Variants in CTSZ observed in about 807,000 individuals in gnomAD.
CTSZ encodes the protein cathepsin Z.
Under a neutral mutation model 32.4 loss-of-function variants are expected in CTSZ, and 39 were observed. The ratio of observed to expected loss-of-function variants is 1.20; its 90% CI spans 0.93 to 1.57. The LOEUF (loss-of-function observed/expected upper bound fraction) is 1.57. Ranked by LOEUF, CTSZ falls within the 40% of genes most tolerant of loss-of-function variation. The pLI, the probability that CTSZ is intolerant of heterozygous loss-of-function variation, is 0.00. For synonymous variants in CTSZ, 168 were observed against 170.1 expected, an observed-to-expected ratio of 0.99 and a Z score of 0.10; for missense variants, 397 against 419.6, an observed-to-expected ratio of 0.95 and a Z score of 0.47.
chr20:59,007,054 G>C lies in CTSZ; in HGVS notation c.75C>G (p.Leu25=), dbSNP rs951527175. 5 of 1,469,120 alleles carry C rather than the reference G, an allele frequency of 3.4e-6. No homozygotes were observed. Among genetic ancestry groups the C allele is most frequent in the Non-Finnish European group, 4.5e-6 (5 of 1,116,924 alleles). 91.0% of individuals were successfully genotyped at this position (1,469,120 alleles called of 1,614,324 possible). The change falls in exon 1 of 6, where the codon CTC becomes CTG. Residue 25 remains leucine, a synonymous_variant. Coordinates refer to ENST00000217131, the MANE Select transcript of CTSZ (RefSeq NM_001336.4). ...AGCAGGTCTGTCCCCGGCGGAAGTA[G>C]AGGCCGCCCTGCGCCGCGCCCGCCA... ...VLLAGAAQGG[L]YFRRGQTCYR...
At chr20:58,997,901 T>A in intron 3 of CTSZ, 148 bp from the exon 4 acceptor site, 1 of 629,390 alleles carries the variant, frequency 1.6e-6, no homozygotes, top group Non-Finnish European at 2.5e-6. Context: ...AGGTGCTGCT[T>A]AATGACGCTC....
rs200993587 is a variant in CTSZ, at chr20:58,995,603, T to G, written c.*46A>C. The G allele has an allele frequency of 6.4e-7, 1 of 1,561,646 alleles. No individual in the cohort carries two copies. Among genetic ancestry groups the G allele is most frequent in the Non-Finnish European group, 8.8e-7 (1 of 1,132,882 alleles). On this transcript the variant is annotated 3_prime_UTR_variant, in exon 6 of 6. Coordinates refer to ENST00000217131, the MANE Select transcript of CTSZ (RefSeq NM_001336.4). ...ATAACCATAGGATCCCCTCTGGTCA[T>G]GGGTCACCATGCCTTTTCTTAAACT...
Position 59,007,070 on chromosome 20 carries a change from G to A in CTSZ, c.59C>T (p.Ala20Val). 6.8e-7 allele frequency: 1 copy of A among 1,460,370 alleles called. No homozygotes were observed. Among genetic ancestry groups the A allele is most frequent in the Non-Finnish European group, 9.0e-7 (1 of 1,111,956 alleles). The allele number at this position is 1,460,370 out of a possible 1,614,324, so 90.5% of individuals were successfully genotyped here. Residue 20 changes from alanine (A) to valine (V), a missense_variant, in exon 1 of 6, where the codon GCG becomes GTG. Coordinates refer to ENST00000217131, the MANE Select transcript of CTSZ (RefSeq NM_001336.4). Reference protein sequence around the residue: ...PLLLLVLLAGAAQGGLYFRRG... With the variant: ...PLLLLVLLAGVAQGGLYFRRG... ...GCGGAAGTAGAGGCCGCCCTGCGCC[G>A]CGCCCGCCAGCAGCACGAGCAGCAG...
rs2091902222 is a variant in CTSZ at position 59,004,667 on chromosome 20, G to C, written c.307+1655C>G. On this transcript the variant is annotated intron_variant, in intron 2 of 5. Transcript: ENST00000217131. The surrounding 1 kb of genome is among the most constrained non-coding windows in gnomAD (Gnocchi z 5.6). Reference sequence around the variant, plus strand: ...GGGGACAAGACAGTTGATCCTGGGGGAGAGGAGGGAAGACAAATGGAGGAC... The same window carrying C: ...GGGGACAAGACAGTTGATCCTGGGGCAGAGGAGGGAAGACAAATGGAGGAC... 1.3e-5 allele frequency among the ~76,000 whole-genome samples: 2 copies of C among 152,128 alleles called. No individual in the cohort carries two copies. The highest frequency in any genetic ancestry group is 4.1e-4 in the South Asian group (2 of 4,830).
chr20:58,996,935 T>C, intron 4 of CTSZ, 134 bp from the exon 5 acceptor site: 1 of 903,974 alleles, frequency 1.1e-6, no homozygotes, highest in East Asian at 2.7e-5. Context: ...GGCAGGTGGA[T>C]CGCTTGAGTC....
intron 2 of CTSZ, among the ~76,000 whole-genome samples, chr20:59,003,597 C>T (rs1422242142): frequency 6.6e-6 from 1 of 152,300 alleles, no homozygotes; most frequent in East Asian, 1.9e-4. Context: ...GCAAAGTCTA[C>T]AGCACCATGA....
chr20:59,003,618 A>G (rs1181275964), intron 2 of CTSZ, among the ~76,000 whole-genome samples: 2 of 152,200 alleles, frequency 1.3e-5, no homozygotes, highest in African/African-American at 4.8e-5. Flanking sequence ...AGAAAAATAA[A>G]TCCGGGAGAT....
At chr20:58,999,192 C>T (rs1568682329) in intron 3 of CTSZ, among the ~76,000 whole-genome samples, 1 of 152,076 alleles carries the variant, frequency 6.6e-6, no homozygotes, top group Non-Finnish European at 1.5e-5. Context: ...CATGCCACCG[C>T]GCTCGGCTAT....
intron 3 of CTSZ, among the ~76,000 whole-genome samples, chr20:59,000,447 T>C (rs2091884121): frequency 6.6e-6 from 1 of 152,256 alleles, no homozygotes; most frequent in Non-Finnish European, 1.5e-5. Flanking sequence ...TCTTTCCTTC[T>C]GTTTCTAATG....
At chr20:58,997,161 C>CAAA (rs10582096) in intron 4 of CTSZ, among the ~76,000 whole-genome samples, 1 of 105,388 alleles carries the variant, frequency 9.5e-6, no homozygotes, top group African/African-American at 3.7e-5. Flanking sequence ...GACTGTGTTT[C>CAAA]AAAAAAAAAA....
rs1309227318 is a variant in CTSZ, at chr20:58,996,596, G to A, written c.801+43C>T. ...ATTCAAGCGAGAGGAGTACCAGGAC[G>A]TTTTTTTCTAGGAATGACCTTAAGA... is the stretch of plus-strand genomic sequence containing the variant. On this transcript the variant is annotated intron_variant, in intron 5 of 5. Coordinates refer to ENST00000217131, the MANE Select transcript of CTSZ (RefSeq NM_001336.4). 7.5e-6 allele frequency: 12 copies of A among 1,603,358 alleles called. No homozygotes were observed. In the African/African-American group the frequency reaches 9.4e-5, roughly 12 times the overall value.
In CTSZ at chr20:58,997,418, C is replaced by G. The variant is rs573933345; in HGVS notation, c.638+185G>C. The G allele has an allele frequency of 2.9e-4, 138 of 472,648 alleles. 2 individuals carry two copies. Among genetic ancestry groups the G allele is most frequent in the Middle Eastern group, 1.7e-3 (3 of 1,778 alleles). The allele number at this position is 472,648 out of a possible 1,614,324, so 29.3% of individuals were successfully genotyped here. A position where few individuals can be genotyped will look rare whatever the true frequency, so the allele number is the denominator to read the frequency against. On this transcript the variant is annotated intron_variant, in intron 4 of 5. Transcript: ENST00000217131. ...TAGAGGGGAAATGATGTGGCTGTCT[C>G]GAGCCTACTGAGTACAACCGGCCAG...
Position 59,002,491 on chromosome 20 carries a change from C to T in CTSZ, c.308-847G>A, listed in dbSNP as rs1205654390. 6.6e-6 allele frequency among the ~76,000 whole-genome samples: 1 copy of T among 152,114 alleles called. No homozygotes were observed. Among genetic ancestry groups the T allele is most frequent in the Non-Finnish European group, 1.5e-5 (1 of 68,008 alleles). ...TTCCTGCAGCCTCACCTGTCCCTCC[C>T]CCAGGGCACAATGAGCAGGGAGTCC... On this transcript the variant is annotated intron_variant, in intron 2 of 5. Coordinates refer to ENST00000217131, the MANE Select transcript of CTSZ (RefSeq NM_001336.4). This position sits in a 1 kb window ranked among gnomAD's most constrained non-coding sequence, Gnocchi z 4.1.
chr20:59,005,359 C>T (rs764241388), intron 2 of CTSZ, among the ~76,000 whole-genome samples: 1 of 152,188 alleles, frequency 6.6e-6, no homozygotes, highest in African/African-American at 2.4e-5. Context: ...CAAATCTCAG[C>T]TGTCACTCAC....
In CTSZ at chr20:58,996,625, T is replaced by C; in HGVS notation, c.801+14A>G. On this transcript the variant is annotated intron_variant, in intron 5 of 5. Transcript: ENST00000217131. ...TTTTCTAGGAATGACCTTAAGAAAA[T>C]GAAAACATCTTACCCATGGTTCACC... 1 of 1,609,606 alleles carries C rather than the reference T, an allele frequency of 6.2e-7. No homozygotes were observed. The highest frequency in any genetic ancestry group is 1.3e-5 in the African/African-American group (1 of 74,760).
Position 59,007,149 on chromosome 20 carries a change from G to A in CTSZ, c.-21C>T, listed in dbSNP as rs924958261. On this transcript the variant is annotated 5_prime_UTR_variant, in exon 1 of 6. Coordinates refer to ENST00000217131, the MANE Select transcript of CTSZ (RefSeq NM_001336.4). ...GCCATGGCCCCGCGCCGGCTCCTGG[G>A]TCCCGCTCCGGATCCCGCTCCGAGT... 1.5e-6 allele frequency: 2 copies of A among 1,326,510 alleles called. No homozygotes were observed. Among genetic ancestry groups the A allele is most frequent in the Non-Finnish European group, 1.9e-6 (2 of 1,046,656 alleles). The allele number at this position is 1,326,510 out of a possible 1,614,324, so 82.2% of individuals were successfully genotyped here.
At position 58,995,470 on chromosome 20, in the gene CTSZ, T is replaced by G. The variant is rs914660362; in HGVS notation, c.*179A>C. The G allele has an allele frequency of 4.4e-5, 26 of 584,682 alleles. No individual in the cohort carries two copies. Among genetic ancestry groups the G allele is most frequent in the Non-Finnish European group, 7.6e-5 (25 of 328,800 alleles). The allele number at this position is 584,682 out of a possible 1,614,324, so 36.2% of individuals were successfully genotyped here. ...GCAGAGCCATGCTGTGCAAGTGTCA[T>G]AAGTCATCCCACTTTCAACTCTCAG... On this transcript the variant is annotated 3_prime_UTR_variant, in exon 6 of 6. Transcript: ENST00000217131.
In CTSZ at chr20:58,995,755, T is replaced by C. The variant is rs994175727; in HGVS notation, c.806A>G (p.Glu269Gly). ...VRNSWGEPWG[E>G]RGWLRIVTST... is the part of the protein sequence containing the mutation. ...GGTCACGATCCTCAGCCAGCCTCTC[T>C]CGCCCTGTGAGAAGTGGGATCGCGC... The change falls in exon 6 of 6, where the codon GAG becomes GGG. Residue 269 changes from glutamate (E) to glycine (G), a missense_variant. Glu to Gly is a moderately conservative substitution (Grantham distance 98, BLOSUM62 -2). Transcript: ENST00000217131. The C allele has an allele frequency of 1.2e-6, 2 of 1,613,986 alleles. No individual in the cohort carries two copies. The highest frequency in any genetic ancestry group is 8.5e-7 in the Non-Finnish European group (1 of 1,179,942).
At chr20:58,995,800 T>C in intron 5 of CTSZ, 41 bp from the exon 6 acceptor site, 2 of 1,564,548 alleles carry the variant, frequency 1.3e-6, no homozygotes, top group Non-Finnish European at 1.8e-6. Context: ...TCTGCAGCCG[T>C]CTCCCGCTCC....
Sources: gnomAD v4.1 joint callset for allele counts (sites outside exome capture counted in the v4.1 genomes callset) on GRCh38, gnomAD v4.1.1 for gene constraint, Gnocchi (gnomAD v3.1) non-coding constraint, MANE v1.5 for transcripts, NCBI Gene and HGNC (gene_info 2026-07-23, HGNC 2026-07-21) for gene names.